CENPW: variants seen among roughly 807,000 people sequenced by gnomAD.
CENPW encodes the protein centromere protein W, also known as cancer-up-regulated gene 2 protein.
In CENPW, 3 loss-of-function variants were observed where a neutral mutation model predicts 11.1. The observed-to-expected ratio is 0.27, with a 90% confidence interval of 0.12 to 0.70. CENPW has a LOEUF of 0.70. Among genes scored for constraint, CENPW ranks in the 30% least tolerant of loss-of-function variants. The pLI, the probability that CENPW is intolerant of heterozygous loss-of-function variation, is 0.77. For synonymous variants in CENPW, 38 were observed against 42.0 expected (o/e 0.91, Z 0.37); for missense variants, 100 against 105.6 (o/e 0.95, Z 0.23).
chr6:126,473,067 G>A, the CENPW span, among the ~76,000 whole-genome samples: 1 of 152,076 alleles, frequency 6.6e-6, no homozygotes, highest in African/African-American at 2.4e-5. Flanking sequence ...ATTTCTCTGT[G>A]CCTTTTCATA....
At chr6:126,403,089 A>G in the CENPW span, among the ~76,000 whole-genome samples, 1 of 152,120 alleles carries the variant, frequency 6.6e-6, no homozygotes, top group East Asian at 1.9e-4. Flanking sequence ...ACCACAAATT[A>G]TGCCCATACA....
At chr6:126,454,316 C>T in the CENPW span, among the ~76,000 whole-genome samples, 7 of 151,014 alleles carry the variant, frequency 4.6e-5, no homozygotes, top group African/African-American at 1.7e-4. Flanking sequence ...GACACATGAT[C>T]AGCCATAAAA....
chr6:126,398,768 T>C, the CENPW span, among the ~76,000 whole-genome samples: 1 of 151,760 alleles, frequency 6.6e-6, no homozygotes, highest in Non-Finnish European at 1.5e-5. Context: ...AACCCAGATA[T>C]TAAGCATAGT....
At chr6:126,412,579 T>G in the CENPW span, among the ~76,000 whole-genome samples, 1 of 152,166 alleles carries the variant, frequency 6.6e-6, no homozygotes, top group Admixed American at 6.6e-5. Context: ...ATTGTGTGAC[T>G]AATGTGTGTG....
intron 2 of CENPW, among the ~76,000 whole-genome samples, chr6:126,346,951 A>G (rs997957250): frequency 3.9e-5 from 6 of 152,190 alleles, no homozygotes; most frequent in Non-Finnish European, 5.9e-5. Context: ...TCCGTCTCAA[A>G]AAAAGGAAAA....
the CENPW span, among the ~76,000 whole-genome samples, chr6:126,436,926 T>A: frequency 1.3e-5 from 2 of 151,904 alleles, no homozygotes; most frequent in African/African-American, 4.8e-5. Context: ...ATGTATGAAT[T>A]GATAGTTTAC....
At position 126,346,518 on chromosome 6, in the gene CENPW, G is replaced by A. The variant is rs145860625; in HGVS notation, c.240+200G>A. Reference sequence around the variant, plus strand: ...TTAATTTCCAATGGTAATATTAATGGCCACTGCTTTAGAGGAAACATTCAT... The same window carrying A: ...TTAATTTCCAATGGTAATATTAATGACCACTGCTTTAGAGGAAACATTCAT... On this transcript the variant is annotated intron_variant, in intron 2 of 2. Coordinates refer to ENST00000368328, the MANE Select transcript of CENPW (RefSeq NM_001012507.4). 1.2e-3 allele frequency among the ~76,000 whole-genome samples: 181 copies of A among 152,126 alleles called. 1 individual carries two copies. The highest frequency in any genetic ancestry group is 4.2e-3 in the African/African-American group (173 of 41,496).
At chr6:126,355,440 G>C in the CENPW span, among the ~76,000 whole-genome samples, 1 of 152,082 alleles carries the variant, frequency 6.6e-6, no homozygotes, top group Admixed American at 6.6e-5. Context: ...TCAATGCTCT[G>C]AGGGAGTCAT....
At chr6:126,452,557 A>C in the CENPW span, among the ~76,000 whole-genome samples, 1 of 150,970 alleles carries the variant, frequency 6.6e-6, no homozygotes, top group Non-Finnish European at 1.5e-5. Context: ...TGGACTTGAA[A>C]ATGGGTCAAT....
the CENPW span, among the ~76,000 whole-genome samples, chr6:126,421,702 G>T: frequency 6.6e-6 from 1 of 151,596 alleles, no homozygotes; most frequent in East Asian, 1.9e-4. Flanking sequence ...TTCAGTCTTG[G>T]GTAAATCTGT....
chr6:126,419,237 G>A, the CENPW span, among the ~76,000 whole-genome samples: 1 of 152,134 alleles, frequency 6.6e-6, no homozygotes. Context: ...GAGAGTCTAA[G>A]TTGCAACTGT....
At chr6:126,457,550 G>A in the CENPW span, among the ~76,000 whole-genome samples, 12 of 151,386 alleles carry the variant, frequency 7.9e-5, no homozygotes, top group Admixed American at 7.3e-4. Flanking sequence ...ACAGACACTG[G>A]GGCCTACTGT....
chr6:126,450,565 A>G, the CENPW span, among the ~76,000 whole-genome samples: 1 of 151,098 alleles, frequency 6.6e-6, no homozygotes, highest in Middle Eastern at 3.4e-3. Context: ...TTTTTGACTT[A>G]TTAATTTTTT....
chr6:126,369,091 T>C, the CENPW span, among the ~76,000 whole-genome samples: 1 of 144,010 alleles, frequency 6.9e-6, no homozygotes, highest in East Asian at 2.4e-4. Context: ...TCCAGTTCCA[T>C]CCAGGTTGCT....
the CENPW span, among the ~76,000 whole-genome samples, chr6:126,453,448 G>C: frequency 6.6e-6 from 1 of 151,170 alleles, no homozygotes; most frequent in Non-Finnish European, 1.5e-5. Flanking sequence ...TTCAAATCCA[G>C]CCAAACTAAG....
chr6:126,426,703 A>C, the CENPW span, among the ~76,000 whole-genome samples: 2 of 152,264 alleles, frequency 1.3e-5, no homozygotes, highest in South Asian at 4.1e-4. Context: ...GTTACCTCAA[A>C]CAATATACAA....
the CENPW span, among the ~76,000 whole-genome samples, chr6:126,431,574 G>C: frequency 2.6e-5 from 4 of 152,146 alleles, no homozygotes; most frequent in South Asian, 2.1e-4. Flanking sequence ...AAGCTGGTGA[G>C]TTTATCAAAC....
At chr6:126,470,379 C>G in the CENPW span, among the ~76,000 whole-genome samples, 1 of 152,190 alleles carries the variant, frequency 6.6e-6, no homozygotes, top group African/African-American at 2.4e-5. Flanking sequence ...GTGCAGAAGA[C>G]AAGAGTTGAG....
intron 2 of CENPW, among the ~76,000 whole-genome samples, chr6:126,346,665 A>C (rs938274549): frequency 6.6e-6 from 1 of 152,116 alleles, no homozygotes. Flanking sequence ...GTCCATTTTC[A>C]CACTGCTATA....
Sources: gnomAD v4.1 joint callset for allele counts (sites outside exome capture counted in the v4.1 genomes callset) on GRCh38, gnomAD v4.1.1 for gene constraint, MANE v1.5 for transcripts, NCBI Gene and HGNC (gene_info 2026-07-23, HGNC 2026-07-21) for gene names.